DGKB: variants seen among roughly 807,000 people sequenced by gnomAD.
DGKB encodes the protein diacylglycerol kinase beta.
Under a neutral mutation model 114.3 loss-of-function variants are expected in DGKB, and 67 were observed. The ratio of observed to expected loss-of-function variants is 0.59; its 90% confidence interval spans 0.48 to 0.72. The LOEUF (loss-of-function observed/expected upper bound fraction) is 0.72, where lower values mean the gene tolerates loss of function less well. Among genes scored for constraint, DGKB ranks in the 30% least tolerant of loss-of-function variants. The pLI is 0.00. For synonymous variants in DGKB, 398 were observed against 323.1 expected (o/e 1.23, Z -2.49); for missense variants, 907 against 975.2 (o/e 0.93, Z 0.93).
intron 23 of DGKB, among the ~76,000 whole-genome samples, chr7:14,182,967 C>T (rs989445274): frequency 2.0e-5 from 3 of 152,144 alleles, no homozygotes; most frequent in African/African-American, 7.2e-5. Flanking sequence ...TGTCCAGCAA[C>T]ATTCTGCACC....
At chr7:14,331,897 A>G (rs1457105243) in intron 23 of DGKB, among the ~76,000 whole-genome samples, 1 of 152,180 alleles carries the variant, frequency 6.6e-6, no homozygotes, top group African/African-American at 2.4e-5. Flanking sequence ...TTGACAGCCA[A>G]TCAGATACAC....
At chr7:14,488,686 G>C (rs562515890) in intron 20 of DGKB, among the ~76,000 whole-genome samples, 4 of 150,410 alleles carry the variant, frequency 2.7e-5, no homozygotes, top group African/African-American at 9.8e-5. Flanking sequence ...AAATTAGCTC[G>C]GTGTGGTGGC....
chr7:14,498,532 C>A (rs1274656538), intron 20 of DGKB, among the ~76,000 whole-genome samples: 2 of 151,664 alleles, frequency 1.3e-5, no homozygotes, highest in Non-Finnish European at 3.0e-5. Flanking sequence ...CTAAAGTGTT[C>A]TGAATTAAAA....
chr7:14,938,112 A>G lies in DGKB; in HGVS notation c.-188+36584T>C, dbSNP rs111767352. Among the ~76,000 whole-genome samples, 9 of 152,332 alleles carry G rather than the reference A, an allele frequency of 5.9e-5. 2 individuals are homozygous for G. The highest frequency in any genetic ancestry group is 2.1e-4 in the South Asian group (1 of 4,830). ...TATATGAATATGTGCATACAAATAC[A>G]CAAGTATTTAAGCAGGTACACATCT... On this transcript the variant is annotated intron_variant, in intron 1 of 4. Transcript: ENST00000437998.
intron 20 of DGKB, among the ~76,000 whole-genome samples, chr7:14,485,625 G>A (rs899281900): frequency 6.6e-6 from 1 of 151,828 alleles, no homozygotes. Flanking sequence ...CTGGCCGGGT[G>A]CGGTGGCTCA....
chr7:14,437,342 T>C (rs1829425965), intron 21 of DGKB, among the ~76,000 whole-genome samples: 1 of 152,110 alleles, frequency 6.6e-6, no homozygotes, highest in African/African-American at 2.4e-5. Flanking sequence ...ACATTAAATC[T>C]CTTTGATAAT....
At chr7:14,804,912 A>G (rs1842610463) in intron 2 of DGKB, among the ~76,000 whole-genome samples, 1 of 151,636 alleles carries the variant, frequency 6.6e-6, no homozygotes, top group Non-Finnish European at 1.5e-5. Context: ...GCTGTTATCT[A>G]TTTATATGTT....
intron 1 of DGKB, among the ~76,000 whole-genome samples, chr7:14,899,872 A>C (rs1465768506): frequency 6.6e-6 from 1 of 152,124 alleles, no homozygotes; most frequent in East Asian, 1.9e-4. Flanking sequence ...ATTTTTTTTA[A>C]GTAGCAAAGC....
intron 5 of DGKB, among the ~76,000 whole-genome samples, chr7:14,725,906 T>G (rs1260340042): frequency 2.0e-5 from 3 of 152,182 alleles, no homozygotes; most frequent in Non-Finnish European, 1.5e-5. Flanking sequence ...AAACATAATT[T>G]ATTTAATGAA....
At chr7:14,648,302 A>G (rs182209802) in intron 13 of DGKB, among the ~76,000 whole-genome samples, 4,486 of 152,296 alleles carry the variant, frequency 0.029, 73 homozygotes, top group South Asian at 0.038. Flanking sequence ...AGATCTGAGA[A>G]CGGGCAGACT....
At chr7:14,769,127 G>T (rs4380828) in intron 2 of DGKB, among the ~76,000 whole-genome samples, 1 of 63,512 alleles carries the variant, frequency 1.6e-5, no homozygotes, top group Non-Finnish European at 2.9e-5. Context: ...GAAAGAAAGA[G>T]AGAGAGAGAA....
chr7:14,798,693 C>T (rs1841748488), intron 2 of DGKB, among the ~76,000 whole-genome samples: 1 of 152,156 alleles, frequency 6.6e-6, no homozygotes, highest in East Asian at 1.9e-4. Flanking sequence ...CACTTTGGCC[C>T]ACCAGTTATA....
At chr7:14,775,195 T>C (rs962576234) in intron 2 of DGKB, among the ~76,000 whole-genome samples, 6 of 151,650 alleles carry the variant, frequency 4.0e-5, no homozygotes, top group African/African-American at 9.7e-5. Flanking sequence ...ATTTAATATA[T>C]TTAAATTTAT....
chr7:14,297,804 C>A (rs1802841174), intron 23 of DGKB, among the ~76,000 whole-genome samples: 1 of 152,092 alleles, frequency 6.6e-6, no homozygotes, highest in African/African-American at 2.4e-5. Context: ...ATTTAGAAAA[C>A]CCCATCATCT....
intron 23 of DGKB, among the ~76,000 whole-genome samples, chr7:14,286,433 G>T (rs1800887343): frequency 6.6e-6 from 1 of 152,218 alleles, no homozygotes; most frequent in African/African-American, 2.4e-5. Flanking sequence ...ACTAAAGTCT[G>T]CTCTAAAGGA....
At chr7:14,312,329 G>A (rs945715355) in intron 23 of DGKB, among the ~76,000 whole-genome samples, 2 of 152,158 alleles carry the variant, frequency 1.3e-5, no homozygotes, top group South Asian at 4.1e-4. Context: ...AGATTAATGA[G>A]GTCAAAATTA....
At chr7:14,640,298 A>C (rs1811513508) in intron 13 of DGKB, among the ~76,000 whole-genome samples, 1 of 152,226 alleles carries the variant, frequency 6.6e-6, no homozygotes, top group Non-Finnish European at 1.5e-5. Flanking sequence ...TAAGGCAGAG[A>C]ATACTAGAAT....
intron 21 of DGKB, among the ~76,000 whole-genome samples, chr7:14,392,792 G>A (rs181583002): frequency 6.6e-6 from 1 of 152,122 alleles, no homozygotes; most frequent in African/African-American, 2.4e-5. Context: ...AATAAAATAA[G>A]AATTTGATCA....
chr7:14,859,885 G>A (rs760691434), intron 1 of DGKB, among the ~76,000 whole-genome samples: 23 of 152,054 alleles, frequency 1.5e-4, no homozygotes, highest in Non-Finnish European at 2.9e-4. Context: ...ACACAACATG[G>A]GCAGTTGATT....
Sources: allele counts gnomAD v4.1 joint callset (sites outside exome capture counted in the v4.1 genomes callset), GRCh38; gene constraint gnomAD v4.1.1; transcripts MANE v1.5; gene names NCBI Gene and HGNC (gene_info 2026-07-23, HGNC 2026-07-21).